The following COLEC10 variants were observed in gnomAD, a reference collection of about 807,000 sequenced individuals.
COLEC10 encodes the protein collectin-10.
COLEC10 carries 22 observed loss-of-function variants against 28.4 expected under a neutral mutation model. The ratio of observed to expected loss-of-function variants is 0.78; its 90% CI spans 0.55 to 1.11. COLEC10 has a LOEUF of 1.11. Among genes scored for constraint, COLEC10 ranks in the 50% least tolerant of loss-of-function variants. The pLI is 0.00. For missense variants in COLEC10, 361 were observed against 344.1 expected (o/e 1.05, Z -0.39); for synonymous variants, 125 against 116.1 (o/e 1.08, Z -0.49).
At chr8:119,013,204 G>A (rs1813931277) in intron 2 of COLEC10, among the ~76,000 whole-genome samples, 1 of 149,896 alleles carries the variant, frequency 6.7e-6, no homozygotes, top group South Asian at 2.1e-4. Context: ...AATCTCTATA[G>A]GTATCTCTTC....
intron 2 of COLEC10, among the ~76,000 whole-genome samples, chr8:119,040,056 C>T (rs1182437654): frequency 6.6e-6 from 1 of 152,162 alleles, no homozygotes; most frequent in East Asian, 1.9e-4. Context: ...CTTTTACTCA[C>T]ATCTGTATCT....
intron 1 of COLEC10, among the ~76,000 whole-genome samples, chr8:119,083,799 G>A (rs1815413779): frequency 6.6e-6 from 1 of 151,968 alleles, no homozygotes; most frequent in Admixed American, 6.6e-5. Context: ...ATTAAATTCA[G>A]TATATTACGT....
chr8:119,007,453 C>T (rs966567769), intron 1 of COLEC10, among the ~76,000 whole-genome samples: 1 of 144,550 alleles, frequency 6.9e-6, no homozygotes, highest in African/African-American at 2.9e-5. Flanking sequence ...AGGAGGAAAA[C>T]GTTTAGAAAT....
At chr8:118,976,898 T>C in the COLEC10 span, among the ~76,000 whole-genome samples, 1 of 151,264 alleles carries the variant, frequency 6.6e-6, no homozygotes, top group Admixed American at 6.6e-5. Context: ...CAAACAAATT[T>C]ACAAGAAAAA....
At chr8:119,066,557 G>A (rs2130212176), upstream of COLEC10, among the ~76,000 whole-genome samples, 1 of 152,288 alleles carries the variant, frequency 6.6e-6, no homozygotes, top group Middle Eastern at 3.4e-3. Flanking sequence ...GGCAATTGAA[G>A]GCCTTTCGCC....
chr8:118,953,848 C>T, the COLEC10 span, among the ~76,000 whole-genome samples: 1 of 152,186 alleles, frequency 6.6e-6, no homozygotes, highest in Non-Finnish European at 1.5e-5. Context: ...TGACCTCAGA[C>T]TAGTTGCCTA....
At chr8:119,028,160 A>C (rs1298982906) in intron 2 of COLEC10, among the ~76,000 whole-genome samples, 1 of 152,154 alleles carries the variant, frequency 6.6e-6, no homozygotes, top group Non-Finnish European at 1.5e-5. Flanking sequence ...CTTGTCTTAT[A>C]CATCTTTGTT....
intron 1 of COLEC10, among the ~76,000 whole-genome samples, chr8:119,079,415 C>T (rs1162552237): frequency 1.3e-5 from 2 of 152,156 alleles, no homozygotes. Context: ...AGATCCTATG[C>T]TCTTAACAAC....
chr8:119,104,421 C>T (rs1815898490), intron 5 of COLEC10, among the ~76,000 whole-genome samples: 1 of 152,102 alleles, frequency 6.6e-6, no homozygotes, highest in African/African-American at 2.4e-5. Flanking sequence ...ACAAGCTTCT[C>T]TGACTCCTCT....
At chr8:118,990,759 C>A (rs1190310297), upstream of COLEC10, among the ~76,000 whole-genome samples, 1 of 151,858 alleles carries the variant, frequency 6.6e-6, no homozygotes. Flanking sequence ...CAGATGAGAC[C>A]ACTGAGAACT....
At chr8:118,953,056 G>T in the COLEC10 span, among the ~76,000 whole-genome samples, 3 of 152,280 alleles carry the variant, frequency 2.0e-5, no homozygotes, top group African/African-American at 7.2e-5. Flanking sequence ...CAGGAGAGGG[G>T]ACCCCTGGGG....
Position 119,106,085 on chromosome 8 carries a change from A to G in COLEC10, c.728A>G (p.Tyr243Cys), listed in dbSNP as rs1209585267. Reference sequence around the variant, plus strand: ...AATGAGGGGGAACCCAGCGACCCCTATGGTCATGAGGACTGTGTGGAGATG... The same window carrying G: ...AATGAGGGGGAACCCAGCGACCCCTGTGGTCATGAGGACTGTGTGGAGATG... Reference protein sequence around the residue: ...NWNEGEPSDPYGHEDCVEMLS... With the variant: ...NWNEGEPSDPCGHEDCVEMLS... Residue 243 changes from tyrosine to cysteine, a missense_variant, in exon 6 of 6, where the codon TAT becomes TGT. Physicochemically the swap from Tyr to Cys is radical, Grantham distance 194. This residue lies in a region of COLEC10 where 335 missense variants were observed against 308.5 expected (regional missense o/e 1.09). Coordinates refer to ENST00000332843, the MANE Select transcript of COLEC10 (RefSeq NM_006438.5). 5.6e-6 allele frequency: 9 copies of G among 1,613,906 alleles called. No homozygotes were observed. The highest frequency in any genetic ancestry group is 7.6e-6 in the Non-Finnish European group (9 of 1,179,872).
intron 2 of COLEC10, among the ~76,000 whole-genome samples, chr8:119,011,859 A>T (rs1201337102): frequency 1.3e-5 from 2 of 150,962 alleles, no homozygotes; most frequent in African/African-American, 4.9e-5. Flanking sequence ...TTATATTGGC[A>T]TACTTTTCAG....
chr8:119,072,675 G>A (rs915965391), intron 1 of COLEC10, among the ~76,000 whole-genome samples: 5 of 152,056 alleles, frequency 3.3e-5, no homozygotes, highest in Admixed American at 6.5e-5. Context: ...CAGAGGAAAT[G>A]TCTACTTCAG....
chr8:118,986,437 C>T, the COLEC10 span, among the ~76,000 whole-genome samples: 1 of 152,044 alleles, frequency 6.6e-6, no homozygotes, highest in Non-Finnish European at 1.5e-5. Context: ...AACCAACGTC[C>T]AACCATTCTA....
intron 2 of COLEC10, among the ~76,000 whole-genome samples, chr8:119,025,829 T>C (rs544763653): frequency 1.3e-5 from 2 of 152,300 alleles, no homozygotes; most frequent in African/African-American, 2.4e-5. Flanking sequence ...TTGAGCTTTC[T>C]TGAAAGCCAG....
intron 2 of COLEC10, among the ~76,000 whole-genome samples, chr8:119,020,557 G>C (rs1282302651): frequency 6.6e-6 from 1 of 152,112 alleles, no homozygotes; most frequent in Non-Finnish European, 1.5e-5. Flanking sequence ...AAGCTTAGTA[G>C]TATCCCGCCA....
intron 2 of COLEC10, among the ~76,000 whole-genome samples, chr8:119,059,227 A>G (rs1814813025): frequency 1.3e-5 from 2 of 151,180 alleles, no homozygotes; most frequent in Non-Finnish European, 2.9e-5. Flanking sequence ...ATGCAGTATA[A>G]TTCATCAATC....
intron 2 of COLEC10, among the ~76,000 whole-genome samples, chr8:119,043,962 G>A (rs1563726068): frequency 6.6e-6 from 1 of 151,826 alleles, no homozygotes; most frequent in Non-Finnish European, 1.5e-5. Context: ...TTAGACCAGG[G>A]TAAAACAAAA....
Sources: gnomAD v4.1 joint callset for allele counts (sites outside exome capture counted in the v4.1 genomes callset) on GRCh38, gnomAD v4.1.1 for gene constraint, gnomAD v4.1.1 regional missense constraint, MANE v1.5 for transcripts, NCBI Gene and HGNC (gene_info 2026-07-23, HGNC 2026-07-21) for gene names.